Variants in ZNF804B observed in about 807,000 individuals in gnomAD.
The protein encoded by ZNF804B is zinc finger protein 804B, also known as zinc finger 804B.
In ZNF804B, 80 loss-of-function variants were observed where a neutral mutation model predicts 101.4. The observed-to-expected ratio is 0.79, with a 90% CI of 0.66 to 0.95. The LOEUF (loss-of-function observed/expected upper bound fraction) is 0.95, where lower values mean the gene tolerates loss of function less well. Among genes scored for constraint, ZNF804B ranks in the 40% least tolerant of loss-of-function variants. The probability of loss-of-function intolerance (pLI) is 0.00; values close to 1 mark genes in which losing one functional copy is unlikely to be tolerated. For synonymous variants in ZNF804B, 622 were observed against 558.8 expected, an observed-to-expected ratio of 1.11 and a Z score of -1.59; for missense variants, 1,673 against 1,561.9, an observed-to-expected ratio of 1.07 and a Z score of -1.20.
rs138429176 is a variant in ZNF804B at position 89,334,966 on chromosome 7, A to C, written c.1984A>C (p.Thr662Pro). 714 of 1,613,930 alleles carry C rather than the reference A, an allele frequency of 4.4e-4. 4 individuals carry two copies. In the East Asian group the frequency reaches 0.011, roughly 26 times the overall value. The change falls in exon 4 of 4, where the codon ACA becomes CCA. Residue 662 changes from threonine (T) to proline (P), a missense_variant. Coordinates refer to ENST00000333190, the MANE Select transcript of ZNF804B (RefSeq NM_181646.5). ...ATTCAACTGCAAGTCCAGTCCTTGT[A>C]CAGTAGGGGGTCACAGTGACCATGG... ...RQFNCKSSPC[T>P]VGGHSDHGKD...
intron 2 of ZNF804B, among the ~76,000 whole-genome samples, chr7:89,245,589 AG>A (rs1789430956): frequency 6.6e-6 from 1 of 152,216 alleles, no homozygotes; most frequent in Non-Finnish European, 1.5e-5. Context: ...CATGAATCAA[AG>A]AAAATATCAA....
chr7:89,335,641 A>G lies in ZNF804B; in HGVS notation c.2659A>G (p.Arg887Gly). The change falls in exon 4 of 4, where the codon AGG (arginine) becomes GGG (glycine). Residue 887 changes from arginine (R) to glycine (G), a missense_variant. Coordinates refer to ENST00000333190, the MANE Select transcript of ZNF804B (RefSeq NM_181646.5). ...SPHICDLGKV[R>G]PMKCNSGNIS... The stretch of plus-strand genomic sequence containing the variant: ...TCACATTTGTGATCTGGGAAAAGTC[A>G]GGCCCATGAAGTGTAACTCCGGGAA... The G allele has an allele frequency of 1.9e-6, 3 of 1,614,042 alleles. No homozygotes were observed. The South Asian group carries it at 3.3e-5, about 18-fold the overall frequency.
intron 2 of ZNF804B, among the ~76,000 whole-genome samples, chr7:89,312,805 C>T (rs1790664606): frequency 6.7e-6 from 1 of 149,152 alleles, no homozygotes; most frequent in African/African-American, 2.5e-5. Flanking sequence ...CATAGCAACA[C>T]CTTATCAAGA....
intron 2 of ZNF804B, among the ~76,000 whole-genome samples, chr7:89,257,064 G>C (rs1280884187): frequency 1.3e-5 from 2 of 152,156 alleles, no homozygotes; most frequent in Non-Finnish European, 2.9e-5. Context: ...GCTGCTCCTA[G>C]TGTGTTACTA....
intron 1 of ZNF804B, among the ~76,000 whole-genome samples, chr7:88,873,490 A>G (rs1791872995): frequency 6.6e-6 from 1 of 152,030 alleles, no homozygotes; most frequent in African/African-American, 2.4e-5. Flanking sequence ...CCCATTTGTC[A>G]ATTTTGGCTT....
chr7:88,829,416 C>T (rs989329793), intron 1 of ZNF804B, among the ~76,000 whole-genome samples: 7 of 151,998 alleles, frequency 4.6e-5, no homozygotes, highest in Non-Finnish European at 8.8e-5. Flanking sequence ...GATATCCCTT[C>T]TGGTGATTAA....
chr7:89,335,353 T>C lies in ZNF804B; in HGVS notation c.2371T>C (p.Phe791Leu). Residue 791 changes from phenylalanine (F) to leucine (L), a missense_variant, in exon 4 of 4, where the codon TTT (phenylalanine) becomes CTT (leucine). Phe to Leu is a conservative substitution (Grantham distance 22). Transcript: ENST00000333190. The stretch of plus-strand genomic sequence containing the variant: ...GAGGAACTGCAAATTGTGGGAATCA[T>C]TTAAAAATGAAAAATACTCAAAACG... ...KERNCKLWES[F>L]KNEKYSKRRY... The C allele has an allele frequency of 6.2e-7, 1 of 1,613,684 alleles. No individual in the cohort carries two copies. Among genetic ancestry groups the C allele is most frequent in the South Asian group, 1.1e-5 (1 of 91,080 alleles).
At chr7:88,905,308 G>T (rs895168298) in intron 1 of ZNF804B, among the ~76,000 whole-genome samples, 8 of 151,794 alleles carry the variant, frequency 5.3e-5, no homozygotes, top group African/African-American at 1.9e-4. Context: ...CTACTTGATT[G>T]TGGCGAATTA....
intron 1 of ZNF804B, among the ~76,000 whole-genome samples, chr7:89,063,830 G>C (rs1789411300): frequency 2.0e-5 from 3 of 152,168 alleles, no homozygotes; most frequent in Non-Finnish European, 4.4e-5. Flanking sequence ...ACAATTGGGT[G>C]AATGAATGCG....
intron 1 of ZNF804B, among the ~76,000 whole-genome samples, chr7:89,082,115 A>C (rs528303220): frequency 6.6e-6 from 1 of 151,872 alleles, no homozygotes; most frequent in South Asian, 2.1e-4. Context: ...ATATTACCCA[A>C]CTTTGTGTGA....
chr7:89,334,680 T>C lies in ZNF804B; in HGVS notation c.1698T>C (p.Tyr566=). The stretch of plus-strand genomic sequence containing the variant: ...ATTCTGAGCCAAATAAGAGTGAATA[T>C]ACTTTCAGTGCAAATGATTTGGAAA... ...YSDSEPNKSE[Y]TFSANDLEMK... Residue 566 remains tyrosine (Y), a synonymous_variant, in exon 4 of 4, where the codon TAT becomes TAC. Coordinates refer to ENST00000333190, the MANE Select transcript of ZNF804B (RefSeq NM_181646.5). 1.2e-6 allele frequency: 2 copies of C among 1,613,712 alleles called. No homozygotes were observed. Among genetic ancestry groups the C allele is most frequent in the East Asian group, 2.2e-5 (1 of 44,844 alleles).
At chr7:89,213,638 A>G (rs1788838845) in intron 1 of ZNF804B, among the ~76,000 whole-genome samples, 1 of 152,164 alleles carries the variant, frequency 6.6e-6, no homozygotes, top group South Asian at 2.1e-4. Context: ...TATCATCCCA[A>G]ACCCACAAAT....
intron 1 of ZNF804B, among the ~76,000 whole-genome samples, chr7:89,177,934 C>CAA (rs34250305): frequency 5.0e-5 from 7 of 140,486 alleles, no homozygotes; most frequent in South Asian, 2.2e-4. Flanking sequence ...GACTCTGTCT[C>CAA]AAAAAAAAAA....
intron 1 of ZNF804B, among the ~76,000 whole-genome samples, chr7:88,779,021 G>A (rs1790186371): frequency 6.6e-6 from 1 of 152,130 alleles, no homozygotes; most frequent in Non-Finnish European, 1.5e-5. Context: ...TTATTTAAAA[G>A]TAATCAAAGT....
chr7:88,914,136 C>T (rs1792595607), intron 1 of ZNF804B, among the ~76,000 whole-genome samples: 1 of 152,084 alleles, frequency 6.6e-6, no homozygotes, highest in Non-Finnish European at 1.5e-5. Flanking sequence ...TTGCAAATTC[C>T]CTTATATCAG....
chr7:89,235,396 C>G (rs908869987), intron 2 of ZNF804B, among the ~76,000 whole-genome samples: 2 of 152,064 alleles, frequency 1.3e-5, no homozygotes, highest in African/African-American at 4.8e-5. Flanking sequence ...GAACTTCACA[C>G]GAAGTAATGG....
At chr7:88,999,096 AG>A (rs1290698961) in intron 1 of ZNF804B, among the ~76,000 whole-genome samples, 1 of 152,084 alleles carries the variant, frequency 6.6e-6, no homozygotes, top group Non-Finnish European at 1.5e-5. Flanking sequence ...AAACATTATT[AG>A]AGTAACATGA....
chr7:89,182,014 GA>G (rs1303987687), intron 1 of ZNF804B, among the ~76,000 whole-genome samples: 1 of 152,138 alleles, frequency 6.6e-6, no homozygotes, highest in East Asian at 1.9e-4. Flanking sequence ...TAATCTTTCT[GA>G]ATTGACAACT....
intron 1 of ZNF804B, among the ~76,000 whole-genome samples, chr7:89,198,747 C>G (rs1788590037): frequency 6.6e-6 from 1 of 151,590 alleles, no homozygotes; most frequent in Non-Finnish European, 1.5e-5. Context: ...CTATCAATAA[C>G]AAAAACAAGT....
Sources: allele counts gnomAD v4.1 joint callset (sites outside exome capture counted in the v4.1 genomes callset), GRCh38; gene constraint gnomAD v4.1.1; transcripts MANE v1.5; gene names NCBI Gene and HGNC (gene_info 2026-07-23, HGNC 2026-07-21).